The following COL6A2 variants were observed in gnomAD, a reference collection of about 807,000 sequenced individuals.
The protein encoded by COL6A2 is collagen alpha-2(VI) chain.
COL6A2 carries 90 observed loss-of-function variants against 124.9 expected under a neutral mutation model. That is an observed-to-expected ratio of 0.72 (90% CI 0.61 to 0.86). COL6A2 has a LOEUF of 0.86. COL6A2 is among the 40% of genes least tolerant of loss of function. The pLI is 0.00. For missense variants in COL6A2, 1,607 were observed against 1,502.5 expected (o/e 1.07, Z -1.15); for synonymous variants, 793 against 618.2 (o/e 1.28, Z -4.19).
At chr21:46,099,360 G>T (rs73382426) in intron 1 of COL6A2, among the ~76,000 whole-genome samples, 23,224 of 151,092 alleles carry the variant, frequency 0.15, 2,010 homozygotes, top group East Asian at 0.36. Context: ...GGAGGCTGAG[G>T]CAGGAGAAAA....
chr21:46,127,218 G>C (rs1446425018), intron 27 of COL6A2, among the ~76,000 whole-genome samples: 2 of 152,154 alleles, frequency 1.3e-5, no homozygotes, highest in Non-Finnish European at 2.9e-5. Context: ...GAGTGTGAGG[G>C]TAGGGATGCC....
At position 46,122,487 on chromosome 21, in the gene COL6A2, G is replaced by T. The variant is rs760412293; in HGVS notation, c.1573-9G>T. 1 of 1,612,874 alleles carries T rather than the reference G, an allele frequency of 6.2e-7. No homozygotes were observed. The highest frequency in any genetic ancestry group is 1.1e-5 in the South Asian group (1 of 91,080). On this transcript the variant is annotated splice_polypyrimidine_tract_variant and intron_variant, in intron 19 of 27. Transcript: ENST00000300527. The stretch of plus-strand genomic sequence containing the variant: ...GGCTGAGTCACCCTGGCTTCTGTTT[G>T]CTTCACAGGGAGAAAAAGGCGAGCC...
rs777394169 is a variant in COL6A2, at chr21:46,112,587, G to C, written c.714+10G>C. The C allele has an allele frequency of 8.1e-6, 13 of 1,611,158 alleles. No individual in the cohort carries two copies. The East Asian group carries it at 2.9e-4, about 36-fold the overall frequency. On this transcript the variant is annotated intron_variant, in intron 3 of 27. Coordinates refer to ENST00000300527, the MANE Select transcript of COL6A2 (RefSeq NM_001849.4). ...CATCATCAAGGTCATGGTGAGCCGC[G>C]GGCGGGAGCACCGTCCACGCGCCAG... is the stretch of plus-strand genomic sequence containing the variant.
At chr21:46,113,636 C>T in intron 4 of COL6A2, 1 of 364,656 alleles carries the variant, frequency 2.7e-6, no homozygotes, top group South Asian at 2.4e-5. Flanking sequence ...TGTTGCCCAG[C>T]CTGGTCTCTA....
intron 20 of COL6A2, 67 bp from the exon 21 acceptor site, chr21:46,122,808 A>G: frequency 6.7e-7 from 1 of 1,494,632 alleles, no homozygotes; most frequent in Non-Finnish European, 9.3e-7. Flanking sequence ...TCCACATAAA[A>G]ATCTCACTGG....
In COL6A2 at chr21:46,132,417, C is replaced by G. The variant is rs2078774154; in HGVS notation, c.2925C>G (p.Ala975=). ...RKQNVVPTVL[A]LGSDVDMDVL... ...AGAACGTGGTACCCACCGTGCTGGC[C>G]TTGGGCAGCGACGTGGACATGGACG... The change falls in exon 28 of 28, where the codon GCC becomes GCG. Residue 975 remains alanine, a synonymous_variant. Coordinates refer to ENST00000300527, the MANE Select transcript of COL6A2 (RefSeq NM_001849.4). 1.2e-6 allele frequency: 2 copies of G among 1,607,662 alleles called. No homozygotes were observed. Among genetic ancestry groups the G allele is most frequent in the Non-Finnish European group, 8.5e-7 (1 of 1,177,530 alleles).
chr21:46,131,678 T>A (rs1031246078), intron 27 of COL6A2, among the ~76,000 whole-genome samples: 1 of 152,134 alleles, frequency 6.6e-6, no homozygotes, highest in African/African-American at 2.4e-5. Flanking sequence ...TGTGCAGGGA[T>A]GGTGCTCAGC....
In COL6A2 at chr21:46,112,024, C is replaced by T. The variant is rs1252515693; in HGVS notation, c.161C>T (p.Ser54Leu). 9 of 1,612,738 alleles carry T rather than the reference C, an allele frequency of 5.6e-6. No homozygotes were observed. Among genetic ancestry groups the T allele is most frequent in the Admixed American group, 1.7e-5 (1 of 60,008 alleles). The change falls in exon 3 of 28, where the codon TCG becomes TTG. Residue 54 changes from serine to leucine, a missense_variant. Around this residue, in one of 3 missense-constraint regions of COL6A2, gnomAD observed 342 missense variants for 381.5 expected, o/e 0.90. Coordinates refer to ENST00000300527, the MANE Select transcript of COL6A2 (RefSeq NM_001849.4). ...PIHVYFVLDT[S>L]ESVTMQSPTD... ...CACGTGTACTTCGTGCTGGACACCTCGGAGAGCGTCACCATGCAGTCCCCC... is the reference window on the plus strand; with the variant it reads ...CACGTGTACTTCGTGCTGGACACCTTGGAGAGCGTCACCATGCAGTCCCCC...
intron 27 of COL6A2, chr21:46,129,872 C>T: frequency 9.7e-7 from 1 of 1,030,998 alleles, no homozygotes; most frequent in African/African-American, 1.7e-5. Flanking sequence ...GTGTGGAAGT[C>T]TTTGGAGGCC....
In COL6A2 at chr21:46,129,914, G is replaced by A. The variant is rs753578449; in HGVS notation, c.2462-2040G>A. 2.8e-4 allele frequency: 258 copies of A among 916,350 alleles called. 1 individual carries two copies. The highest frequency in any genetic ancestry group is 4.2e-4 in the South Asian group (9 of 21,322). The allele number at this position is 916,350 out of a possible 1,614,324, so 56.8% of individuals were successfully genotyped here. A position where few individuals can be genotyped will look rare whatever the true frequency, so the allele number is the denominator to read the frequency against. On this transcript the variant is annotated intron_variant, in intron 27 of 27. Transcript: ENST00000300527. The stretch of plus-strand genomic sequence containing the variant: ...TAGCGGCCCAGCTGGGCTGCCGTGC[G>A]TCTGGGATGGGGCTGAGGGAGGGTG...
intron 27 of COL6A2, among the ~76,000 whole-genome samples, 168 bp from the exon 28 acceptor site, chr21:46,131,786 G>A (rs1399472822): frequency 6.6e-6 from 1 of 152,154 alleles, no homozygotes. Flanking sequence ...AAGTGTCTTG[G>A]GCTAAGGACC....
chr21:46,122,352 G>A (rs537582427), intron 19 of COL6A2, 144 bp from the exon 20 acceptor site: 441 of 1,294,468 alleles, frequency 3.4e-4, no homozygotes, highest in South Asian at 7.9e-4. Context: ...CAGGAAAAGA[G>A]CACAGCTCAG....
rs2078771882 is a variant in COL6A2 at position 46,132,305 on chromosome 21, G to C, written c.2813G>C (p.Arg938Thr). ...IVRSPRGGAR[R>T]HAELSFVFLT... is the part of the protein sequence containing the mutation. ...CGCAGCCCGCGTGGCGGGGCCCGGA[G>C]GCACGCAGAGCTGTCCTTCGTGTTC... is the stretch of plus-strand genomic sequence containing the variant. Residue 938 changes from arginine (R) to threonine (T), a missense_variant, in exon 28 of 28, where the codon AGG (arginine) becomes ACG (threonine). Arg to Thr is a moderately conservative substitution (Grantham distance 71). Transcript: ENST00000300527. 1.2e-6 allele frequency: 2 copies of C among 1,606,366 alleles called. No homozygotes were observed. Among genetic ancestry groups the C allele is most frequent in the Admixed American group, 1.7e-5 (1 of 59,878 alleles).
In COL6A2 at chr21:46,116,316, C is replaced by G; in HGVS notation, c.901-61C>G. 1 of 1,595,080 alleles carries G rather than the reference C, an allele frequency of 6.3e-7. No homozygotes were observed. The highest frequency in any genetic ancestry group is 8.6e-7 in the Non-Finnish European group (1 of 1,166,260). On this transcript the variant is annotated intron_variant, in intron 7 of 27. Transcript: ENST00000300527. The surrounding 1 kb of genome is among the most constrained non-coding windows in gnomAD (Gnocchi z 4.6). ...CTCCCCTCAGCCTGCAGGGCTGGCCCTTCCCTGCCTGTGTCTCTGCAGAGC... is the reference window on the plus strand; with the variant it reads ...CTCCCCTCAGCCTGCAGGGCTGGCCGTTCCCTGCCTGTGTCTCTGCAGAGC...
intron 12 of COL6A2, 118 bp downstream of exon 12, chr21:46,118,054 G>T: frequency 1.0e-6 from 1 of 976,512 alleles, no homozygotes; most frequent in Non-Finnish European, 1.5e-6. Flanking sequence ...ACTGGTCAGT[G>T]AGGAGCCAAT....
intron 15 of COL6A2, 114 bp downstream of exon 15, chr21:46,119,964 C>T: frequency 2.2e-6 from 2 of 916,506 alleles, no homozygotes; most frequent in South Asian, 2.8e-5. Flanking sequence ...GGGCCTCACT[C>T]TCCAGAGTTC....
intron 13 of COL6A2, 111 bp downstream of exon 13, chr21:46,118,787 G>A (rs2078516235): frequency 2.3e-6 from 3 of 1,313,886 alleles, no homozygotes; most frequent in Non-Finnish European, 3.2e-6. Flanking sequence ...GTGCCGCATT[G>A]GGCTCTGGGG....
rs560022156 is a variant in COL6A2 at position 46,124,058 on chromosome 21, G to A, written c.1672-593G>A. ...ACGGACAGTGGGTGGATGGATGAGT[G>A]AACGGATGGACCGATGGATGAATGG... On this transcript the variant is annotated intron_variant, in intron 21 of 27. Coordinates refer to ENST00000300527, the MANE Select transcript of COL6A2 (RefSeq NM_001849.4). Among the ~76,000 whole-genome samples the A allele has an allele frequency of 5.2e-4, 79 of 150,870 alleles. 1 individual carries two copies. In the South Asian group the frequency reaches 0.016, roughly 31 times the overall value.
At chr21:46,117,343 G>A (rs541101245) in intron 10 of COL6A2, 57 bp from the exon 11 acceptor site, 3 of 1,551,412 alleles carry the variant, frequency 1.9e-6, no homozygotes, top group African/African-American at 2.7e-5. Context: ...TTGGTCGTTG[G>A]CACACATGGA....
Sources: gnomAD v4.1 joint callset for allele counts (sites outside exome capture counted in the v4.1 genomes callset) on GRCh38, gnomAD v4.1.1 for gene constraint, gnomAD v4.1.1 regional missense constraint, Gnocchi (gnomAD v3.1) non-coding constraint, MANE v1.5 for transcripts, NCBI Gene and HGNC (gene_info 2026-07-23, HGNC 2026-07-21) for gene names.